The following ANGPT1 variants were observed in gnomAD, a reference collection of about 807,000 sequenced individuals.
The protein encoded by ANGPT1 is angiopoietin-1.
ANGPT1 carries 17 observed loss-of-function variants against 62.2 expected under a neutral mutation model. The observed-to-expected ratio is 0.27, with a 90% CI of 0.19 to 0.41. The LOEUF (loss-of-function observed/expected upper bound fraction) is 0.41. Among genes scored for constraint, ANGPT1 ranks in the 10% least tolerant of loss-of-function variants. The pLI is 1.00. For missense variants in ANGPT1, 478 were observed against 594.9 expected (o/e 0.80, Z 2.04); for synonymous variants, 199 against 198.9 (o/e 1.00, Z 0.00).
intron 4 of ANGPT1, among the ~76,000 whole-genome samples, chr8:107,318,814 C>A (rs555320467): frequency 6.6e-6 from 1 of 152,062 alleles, no homozygotes; most frequent in Non-Finnish European, 1.5e-5. Context: ...CTCACATACT[C>A]GTCATTTCTT....
chr8:107,379,218 AT>A (rs1816588496), intron 1 of ANGPT1, among the ~76,000 whole-genome samples: 1 of 152,080 alleles, frequency 6.6e-6, no homozygotes, highest in Non-Finnish European at 1.5e-5. Context: ...CTGTCTTTAA[AT>A]TATCTCCTTA....
At chr8:107,323,077 G>GA (rs920552019) in intron 3 of ANGPT1, among the ~76,000 whole-genome samples, 1 of 152,184 alleles carries the variant, frequency 6.6e-6, no homozygotes, top group Non-Finnish European at 1.5e-5. Flanking sequence ...AAGGAGTTGG[G>GA]ATGCTTTGCT....
At chr8:107,380,415 T>C (rs1417564628) in intron 1 of ANGPT1, among the ~76,000 whole-genome samples, 3 of 151,972 alleles carry the variant, frequency 2.0e-5, no homozygotes, top group Non-Finnish European at 2.9e-5. Flanking sequence ...TCTGACTATA[T>C]ATACGTATAT....
intron 2 of ANGPT1, among the ~76,000 whole-genome samples, chr8:107,338,858 A>G (rs1815632578): frequency 6.6e-6 from 1 of 152,216 alleles, no homozygotes; most frequent in African/African-American, 2.4e-5. Flanking sequence ...TTTTGGTGAC[A>G]TTTAGAACAA....
chr8:107,357,605 TTAC>T (rs1317310911), intron 1 of ANGPT1, among the ~76,000 whole-genome samples: 1 of 152,120 alleles, frequency 6.6e-6, no homozygotes, highest in Non-Finnish European at 1.5e-5. Context: ...CAAACCACAC[TTAC>T]TTCTCCTCTG....
chr8:107,328,206 C>T (rs1815334541), intron 3 of ANGPT1, among the ~76,000 whole-genome samples: 1 of 152,074 alleles, frequency 6.6e-6, no homozygotes, highest in Non-Finnish European at 1.5e-5. Context: ...ATGGTGTCAA[C>T]ATGTGTTGCA....
chr8:107,328,084 T>C (rs1008466254), intron 3 of ANGPT1, among the ~76,000 whole-genome samples: 1 of 152,118 alleles, frequency 6.6e-6, no homozygotes, highest in Non-Finnish European at 1.5e-5. Context: ...TCTATGAGTA[T>C]AAATATAGCC....
intron 1 of ANGPT1, among the ~76,000 whole-genome samples, chr8:107,461,655 A>C (rs923186325): frequency 1.3e-5 from 2 of 152,168 alleles, no homozygotes; most frequent in Admixed American, 6.6e-5. Context: ...TGTCATTTAA[A>C]ACCCATCACT....
At chr8:107,356,406 T>TGTCCTGCTTGCC (rs1816045377) in intron 1 of ANGPT1, among the ~76,000 whole-genome samples, 1 of 152,200 alleles carries the variant, frequency 6.6e-6, no homozygotes, top group African/African-American at 2.4e-5. Flanking sequence ...AAGGTATCAA[T>TGTCCTGCTTGCC]GTCCTGCTTG....
intron 7 of ANGPT1, among the ~76,000 whole-genome samples, chr8:107,281,930 G>C (rs1424934159): frequency 6.6e-6 from 1 of 151,800 alleles, no homozygotes; most frequent in Non-Finnish European, 1.5e-5. Context: ...AATTCAGAGG[G>C]ACGAGACATG....
intron 1 of ANGPT1, among the ~76,000 whole-genome samples, chr8:107,361,811 C>A (rs1389410452): frequency 1.3e-5 from 2 of 152,026 alleles, no homozygotes; most frequent in African/African-American, 4.8e-5. Context: ...GTAATCCCAG[C>A]ATTTTGGAAG....
At chr8:107,359,169 C>A (rs1174272345) in intron 1 of ANGPT1, among the ~76,000 whole-genome samples, 1 of 152,058 alleles carries the variant, frequency 6.6e-6, no homozygotes, top group Non-Finnish European at 1.5e-5. Context: ...GTAATTCTAA[C>A]TGCTAATAAA....
At chr8:107,448,538 G>T (rs1178497330) in intron 1 of ANGPT1, among the ~76,000 whole-genome samples, 1 of 152,056 alleles carries the variant, frequency 6.6e-6, no homozygotes, top group Non-Finnish European at 1.5e-5. Context: ...TGCTCTTACG[G>T]TGTATGTTTT....
At chr8:107,274,467 ATTTT>A (rs924619706) in intron 7 of ANGPT1, among the ~76,000 whole-genome samples, 5 of 152,132 alleles carry the variant, frequency 3.3e-5, no homozygotes, top group Admixed American at 6.6e-5. Flanking sequence ...AATTTTATTA[ATTTT>A]TTTATTTACT....
chr8:107,399,872 T>C (rs767307793), intron 1 of ANGPT1, among the ~76,000 whole-genome samples: 23 of 152,102 alleles, frequency 1.5e-4, no homozygotes, highest in Non-Finnish European at 2.1e-4. Context: ...AGAAAGGGCT[T>C]AGAAAACATC....
intron 1 of ANGPT1, among the ~76,000 whole-genome samples, chr8:107,427,658 T>C (rs990492573): frequency 1.3e-5 from 2 of 152,178 alleles, no homozygotes; most frequent in Non-Finnish European, 2.9e-5. Context: ...ATTATAATCA[T>C]GAAGGGAAGG....
chr8:107,351,914 C>T (rs192441101), intron 1 of ANGPT1, among the ~76,000 whole-genome samples: 10 of 152,214 alleles, frequency 6.6e-5, no homozygotes, highest in South Asian at 4.1e-4. Flanking sequence ...TTTACAAATA[C>T]GCAGTTCATT....
chr8:107,420,764 A>C (rs1308228100), intron 1 of ANGPT1, among the ~76,000 whole-genome samples: 2 of 152,176 alleles, frequency 1.3e-5, no homozygotes, highest in African/African-American at 4.8e-5. Flanking sequence ...TAATTTCATA[A>C]AACACATAAG....
intron 6 of ANGPT1, among the ~76,000 whole-genome samples, chr8:107,287,195 C>T (rs1814162003): frequency 6.6e-6 from 1 of 152,118 alleles, no homozygotes; most frequent in African/African-American, 2.4e-5. Flanking sequence ...TATTTCCATG[C>T]TGTTGAAAGC....
Sources: allele counts gnomAD v4.1 joint callset (sites outside exome capture counted in the v4.1 genomes callset), GRCh38; gene constraint gnomAD v4.1.1; transcripts MANE v1.5; gene names NCBI Gene and HGNC (gene_info 2026-07-23, HGNC 2026-07-21).